Variants in TEX15 observed in about 807,000 individuals in gnomAD.
The protein encoded by TEX15 is testis-expressed protein 15.
TEX15 carries 171 observed loss-of-function variants against 237.3 expected under a neutral mutation model. The observed-to-expected ratio is 0.72, with a 90% CI of 0.64 to 0.82. TEX15 has a LOEUF of 0.82. Ranked by LOEUF, TEX15 falls within the 40% of genes least tolerant of loss-of-function variation. TEX15 has a pLI of 0.00. For synonymous variants in TEX15, 1,338 were observed against 1,269.8 expected (o/e 1.05, Z -1.14); for missense variants, 3,750 against 3,646.5 (o/e 1.03, Z -0.73).
intron 1 of TEX15, among the ~76,000 whole-genome samples, chr8:30,908,225 T>A (rs1809149308): frequency 6.6e-6 from 1 of 152,054 alleles, no homozygotes; most frequent in African/African-American, 2.4e-5. Context: ...TGCCTGACCC[T>A]ATTTTTTAAT....
chr8:30,847,069 G>GT lies in TEX15; in HGVS notation c.3097dup (p.Thr1033AsnfsTer3), dbSNP rs1807636115. The stretch of plus-strand genomic sequence containing the variant: ...TGATTCTTGTGATTTATTTTTATCC[G>GT]TATCAATTTCACAATCAGAAACCCT... On this transcript the variant is annotated frameshift_variant, in exon 8 of 11. Coordinates refer to ENST00000643185, the MANE Select transcript of TEX15 (RefSeq NM_001350162.2). LOFTEE classifies it high-confidence loss of function. The GT allele has an allele frequency of 6.2e-7, 1 of 1,612,452 alleles. No homozygotes were observed. The highest frequency in any genetic ancestry group is 1.1e-5 in the South Asian group (1 of 90,892).
At chr8:30,866,467 A>G (rs939499295) in intron 5 of TEX15, among the ~76,000 whole-genome samples, 4 of 152,070 alleles carry the variant, frequency 2.6e-5, no homozygotes, top group African/African-American at 7.2e-5. Flanking sequence ...AGAAAACTAT[A>G]TTGTCATGAT....
chr8:30,852,343 T>C (rs369236977), intron 7 of TEX15, among the ~76,000 whole-genome samples: 2 of 152,020 alleles, frequency 1.3e-5, no homozygotes, highest in Non-Finnish European at 2.9e-5. Context: ...TCCGCCCGCC[T>C]TGGCCTCCCA....
At chr8:30,880,591 C>T (rs1055431191) in intron 3 of TEX15, among the ~76,000 whole-genome samples, 2 of 152,092 alleles carry the variant, frequency 1.3e-5, no homozygotes, top group Non-Finnish European at 2.9e-5. Context: ...AACATATTTT[C>T]TCTTCCTTAT....
rs751383015 is a variant in TEX15 at position 30,837,101 on chromosome 8, G to A, written c.9183C>T (p.Tyr3061=). Residue 3061 remains tyrosine, a synonymous_variant, in exon 10 of 11, where the codon TAC becomes TAT. Coordinates refer to ENST00000643185, the MANE Select transcript of TEX15 (RefSeq NM_001350162.2). ...NSNGNAITQT[Y]QGITSYEVQP... The stretch of plus-strand genomic sequence containing the variant: ...GTACTTCATATGATGTTATCCCTTG[G>A]TATGTCTGGGTAATGGCATTGCCAT... 6.2e-6 allele frequency: 10 copies of A among 1,614,116 alleles called. No individual in the cohort carries two copies. The highest frequency in any genetic ancestry group is 8.5e-6 in the Non-Finnish European group (10 of 1,180,008).
At position 30,845,203 on chromosome 8, in the gene TEX15, T is replaced by A. The variant is rs769733403; in HGVS notation, c.4964A>T (p.Asp1655Val). ...AKTDVLISVL[D>V]SNVKHFLNDL... ...ATTTAAAAAGTGCTTCACATTTGAA[T>A]CTAAGACTGATATAAGTACGTCAGT... The change falls in exon 8 of 11, where the codon GAT becomes GTT. Residue 1655 changes from aspartate (D) to valine (V), a missense_variant. By Grantham distance (152) the Asp-to-Val change is radical. Coordinates refer to ENST00000643185, the MANE Select transcript of TEX15 (RefSeq NM_001350162.2). 42 of 1,613,448 alleles carry A rather than the reference T, an allele frequency of 2.6e-5. No homozygotes were observed. The highest frequency in any genetic ancestry group is 3.3e-5 in the Non-Finnish European group (39 of 1,179,560).
Position 30,844,585 on chromosome 8 carries a change from C to T in TEX15, c.5582G>A (p.Ser1861Asn), listed in dbSNP as rs982986477. The T allele has an allele frequency of 1.2e-6, 2 of 1,613,116 alleles. No homozygotes were observed. The highest frequency in any genetic ancestry group is 1.7e-6 in the Non-Finnish European group (2 of 1,179,516). Residue 1861 changes from serine to asparagine, a missense_variant, in exon 8 of 11, where the codon AGC (serine) becomes AAC (asparagine). Coordinates refer to ENST00000643185, the MANE Select transcript of TEX15 (RefSeq NM_001350162.2). ...EKAKDSVYKR[S>N]MTEGSTVNTE... is the part of the protein sequence containing the mutation. ...ATTAACAGTTGATCCTTCAGTCATGCTTCTTTTGTAAACAGAATCTTTTGC... is the reference window on the plus strand; with the variant it reads ...ATTAACAGTTGATCCTTCAGTCATGTTTCTTTTGTAAACAGAATCTTTTGC...
In TEX15 at chr8:30,895,676, C is replaced by CTTTTTTTTTTTTTTTTTT. The variant is rs34002027; in HGVS notation, c.-10+3048_-10+3065dup. Among the ~76,000 whole-genome samples, 25 of 60,048 alleles carry CTTTTTTTTTTTTTTTTTT rather than the reference C, an allele frequency of 4.2e-4. 7 individuals carry two copies. Among genetic ancestry groups the CTTTTTTTTTTTTTTTTTT allele is most frequent in the African/African-American group, 1.6e-3 (20 of 12,340 alleles). The allele number at this position is 60,048 out of a possible 152,430, so 39.4% of individuals were successfully genotyped here. A position where few individuals can be genotyped will look rare whatever the true frequency, so the allele number is the denominator to read the frequency against. On this transcript the variant is annotated intron_variant, in intron 2 of 10. Transcript: ENST00000643185. ...CATGTCAACACCTTTTAAACACATG[C>CTTTTTTTTTTTTTTTTTT]TTTTTTTTTTTTTTTTTTTTTTTTG...
Position 30,848,606 on chromosome 8 carries a change from T to C in TEX15, c.1561A>G (p.Ile521Val). ...GCCATGGTAACTTTATTGGGAGGTA[T>C]ACAGTCATAGTCCTCAGAGCCCATG... The part of the protein sequence containing the change: ...HNMGSEDYDC[I>V]PPNKVTMAGQ... The change falls in exon 8 of 11, where the codon ATA becomes GTA. Residue 521 changes from isoleucine to valine, a missense_variant. Ile to Val is a conservative substitution (Grantham distance 29). Transcript: ENST00000643185. 6.2e-7 allele frequency: 1 copy of C among 1,614,104 alleles called. No individual in the cohort carries two copies. The highest frequency in any genetic ancestry group is 8.5e-7 in the Non-Finnish European group (1 of 1,180,004).
intron 2 of TEX15, among the ~76,000 whole-genome samples, chr8:30,893,346 A>G (rs1808833760): frequency 6.6e-6 from 1 of 152,226 alleles, no homozygotes; most frequent in Non-Finnish European, 1.5e-5. Context: ...TATATTGGCT[A>G]CCCAGCAACC....
intron 4 of TEX15, among the ~76,000 whole-genome samples, chr8:30,873,971 G>C (rs1422697927): frequency 6.6e-6 from 1 of 152,078 alleles, no homozygotes; most frequent in African/African-American, 2.4e-5. Flanking sequence ...TTGTTTGAAA[G>C]GACAAAAATT....
chr8:30,837,641 T>G lies in TEX15; in HGVS notation c.8643A>C (p.Pro2881=), dbSNP rs1279446744. ...CAGGCACAAGAGAAACATCAGTTTCTGGGTTTATATCAGAAAGGCAGGATT... is the reference window on the plus strand; with the variant it reads ...CAGGCACAAGAGAAACATCAGTTTCGGGGTTTATATCAGAAAGGCAGGATT... ...TQKSCLSDIN[P]ETDVSLVPDA... is the part of the protein sequence containing the mutation. The change falls in exon 10 of 11, where the codon CCA becomes CCC. Residue 2881 remains proline, a synonymous_variant. Transcript: ENST00000643185. 4 of 1,614,012 alleles carry G rather than the reference T, an allele frequency of 2.5e-6. No homozygotes were observed. The East Asian group carries it at 8.9e-5, about 36-fold the overall frequency.
rs763142132 is a variant in TEX15 at position 30,847,162 on chromosome 8, T to C, written c.3005A>G (p.His1002Arg). ...AGTTTCTTTAAACTGGTATATCTGG[T>C]GATCGTCATTATTTAGGCTTAATGC... is the stretch of plus-strand genomic sequence containing the variant. ...MPALSLNNDDHQIYQFKETCS... is the reference protein window; with the variant it reads ...MPALSLNNDDRQIYQFKETCS... Residue 1002 changes from histidine to arginine, a missense_variant, in exon 8 of 11, where the codon CAC (histidine) becomes CGC (arginine). Coordinates refer to ENST00000643185, the MANE Select transcript of TEX15 (RefSeq NM_001350162.2). The C allele has an allele frequency of 6.2e-7, 1 of 1,613,914 alleles. No homozygotes were observed. The highest frequency in any genetic ancestry group is 8.5e-7 in the Non-Finnish European group (1 of 1,179,848).
At chr8:30,877,000 T>C (rs538496290) in intron 3 of TEX15, among the ~76,000 whole-genome samples, 1 of 152,272 alleles carries the variant, frequency 6.6e-6, no homozygotes, top group East Asian at 1.9e-4. Flanking sequence ...CATGTTTGCT[T>C]ACCCTTCTGC....
intron 2 of TEX15, among the ~76,000 whole-genome samples, chr8:30,893,652 C>A (rs117791415): frequency 1.3e-5 from 2 of 152,186 alleles, no homozygotes; most frequent in Admixed American, 1.3e-4. Flanking sequence ...TCTAGAATGA[C>A]TGCTACTTTC....
At position 30,848,627 on chromosome 8, in the gene TEX15, C is replaced by A; in HGVS notation, c.1540G>T (p.Gly514Cys). 6.2e-7 allele frequency: 1 copy of A among 1,614,064 alleles called. No individual in the cohort carries two copies. The highest frequency in any genetic ancestry group is 1.1e-5 in the South Asian group (1 of 91,082). The change falls in exon 8 of 11, where the codon GGC (glycine) becomes TGC (cysteine). Residue 514 changes from glycine (G) to cysteine (C), a missense_variant. Coordinates refer to ENST00000643185, the MANE Select transcript of TEX15 (RefSeq NM_001350162.2). Reference sequence around the variant, plus strand: ...GGTATACAGTCATAGTCCTCAGAGCCCATGTTGTGAGCCCAAGATTGTGAA... The same window carrying A: ...GGTATACAGTCATAGTCCTCAGAGCACATGTTGTGAGCCCAAGATTGTGAA... ...NDSQSWAHNMGSEDYDCIPPN... is the reference protein window; with the variant it reads ...NDSQSWAHNMCSEDYDCIPPN...
At chr8:30,908,291 C>T (rs1809150795) in intron 1 of TEX15, among the ~76,000 whole-genome samples, 1 of 152,046 alleles carries the variant, frequency 6.6e-6, no homozygotes, top group Non-Finnish European at 1.5e-5. Context: ...GACTTCTGGA[C>T]TCAAGCGATC....
chr8:30,852,828 A>G (rs1807817762), intron 7 of TEX15, among the ~76,000 whole-genome samples: 1 of 152,252 alleles, frequency 6.6e-6, no homozygotes, highest in Non-Finnish European at 1.5e-5. Context: ...AGTACCATAT[A>G]TTCAGTGATG....
intron 3 of TEX15, among the ~76,000 whole-genome samples, chr8:30,877,199 G>A (rs952390043): frequency 1.4e-4 from 21 of 152,196 alleles, no homozygotes; most frequent in African/African-American, 5.1e-4. Context: ...GAGAATGCAT[G>A]CATTGGGTAA....
Sources: allele counts gnomAD v4.1 joint callset (sites outside exome capture counted in the v4.1 genomes callset), GRCh38; gene constraint gnomAD v4.1.1; transcripts MANE v1.5; gene names NCBI Gene and HGNC (gene_info 2026-07-23, HGNC 2026-07-21).